Variants in RGS7 observed in about 807,000 individuals in gnomAD.
RGS7 encodes the protein regulator of G protein signaling 7.
RGS7 carries 27 observed loss-of-function variants against 81.1 expected under a neutral mutation model. The ratio of observed to expected loss-of-function variants is 0.33; its 90% CI spans 0.25 to 0.46. The LOEUF is 0.46. RGS7 is among the 20% of genes least tolerant of loss of function. The pLI is 1.00. For missense variants in RGS7, 396 were observed against 607.4 expected (o/e 0.65, Z 3.66); for synonymous variants, 208 against 207.7 (o/e 1.00, Z -0.01).
intron 2 of RGS7, among the ~76,000 whole-genome samples, chr1:241,315,496 C>A (rs1380173828): frequency 6.6e-6 from 1 of 152,118 alleles, no homozygotes; most frequent in Non-Finnish European, 1.5e-5. Context: ...TGAATGTAGT[C>A]TCTAATGTTA....
At chr1:241,019,347 AT>A (rs2059427882) in intron 3 of RGS7, among the ~76,000 whole-genome samples, 1 of 151,510 alleles carries the variant, frequency 6.6e-6, no homozygotes, top group South Asian at 2.1e-4. Flanking sequence ...TTATAACTTT[AT>A]TTTATTTATT....
chr1:241,249,336 T>A (rs995919037), intron 2 of RGS7, among the ~76,000 whole-genome samples: 1 of 151,960 alleles, frequency 6.6e-6, no homozygotes, highest in African/African-American at 2.4e-5. Context: ...TGACTATACC[T>A]AATTTATCCT....
chr1:241,106,588 T>C (rs1572714830), intron 2 of RGS7, among the ~76,000 whole-genome samples: 1 of 151,788 alleles, frequency 6.6e-6, no homozygotes, highest in South Asian at 2.1e-4. Context: ...TGGTGGCAGG[T>C]GCCTGTAGTC....
At chr1:240,807,127 C>T (rs1688993312) in intron 14 of RGS7, among the ~76,000 whole-genome samples, 1 of 152,140 alleles carries the variant, frequency 6.6e-6, no homozygotes, top group Non-Finnish European at 1.5e-5. Flanking sequence ...ACTGAAAGAA[C>T]CTGGGAGTGT....
intron 4 of RGS7, among the ~76,000 whole-genome samples, chr1:240,952,845 G>A (rs573483519): frequency 2.8e-5 from 4 of 140,562 alleles, no homozygotes; most frequent in East Asian, 2.1e-4. Context: ...GGGGGGAAAA[G>A]AGATACCATG....
chr1:241,077,668 T>G (rs1426891814), intron 3 of RGS7, among the ~76,000 whole-genome samples: 4 of 152,356 alleles, frequency 2.6e-5, no homozygotes, highest in Middle Eastern at 3.4e-3. Flanking sequence ...CACACTGTTA[T>G]CCTTCAGCAC....
chr1:240,944,169 A>G (rs1678081265), intron 4 of RGS7, among the ~76,000 whole-genome samples: 2 of 151,168 alleles, frequency 1.3e-5, no homozygotes, highest in Admixed American at 6.6e-5. Flanking sequence ...GATCTACATT[A>G]TACAGCCTAT....
intron 2 of RGS7, among the ~76,000 whole-genome samples, chr1:241,153,672 G>A (rs1170316357): frequency 5.9e-5 from 9 of 152,188 alleles, no homozygotes; most frequent in South Asian, 2.1e-4. Flanking sequence ...ACCACATCCC[G>A]CAGTGTAGAC....
intron 2 of RGS7, among the ~76,000 whole-genome samples, chr1:241,174,770 T>G (rs773707339): frequency 1.3e-5 from 2 of 152,114 alleles, no homozygotes; most frequent in Admixed American, 6.6e-5. Flanking sequence ...GAAGGAGTAT[T>G]TCTATGAGAG....
intron 3 of RGS7, among the ~76,000 whole-genome samples, chr1:241,068,317 T>C (rs2062217965): frequency 6.7e-6 from 1 of 148,644 alleles, no homozygotes; most frequent in African/African-American, 2.5e-5. Flanking sequence ...CTATATTTAG[T>C]TGCACTAAAT....
At chr1:240,818,459 T>C (rs1572234594) in intron 10 of RGS7, among the ~76,000 whole-genome samples, 1 of 152,194 alleles carries the variant, frequency 6.6e-6, no homozygotes, top group East Asian at 1.9e-4. Flanking sequence ...TATAAAGTGA[T>C]TTAATTTACA....
chr1:241,127,999 T>C (rs971156944), intron 2 of RGS7, among the ~76,000 whole-genome samples: 1 of 151,608 alleles, frequency 6.6e-6, no homozygotes, highest in East Asian at 1.9e-4. Flanking sequence ...AGAAAATGGG[T>C]CGGGTGTGGT....
chr1:241,230,750 C>T (rs182023503), intron 2 of RGS7, among the ~76,000 whole-genome samples: 2 of 152,282 alleles, frequency 1.3e-5, no homozygotes, highest in East Asian at 1.9e-4. Flanking sequence ...GTCCTAGGAC[C>T]GTGAGTACAG....
At chr1:240,894,846 T>C (rs1209864391) in intron 6 of RGS7, among the ~76,000 whole-genome samples, 1 of 152,240 alleles carries the variant, frequency 6.6e-6, no homozygotes, top group Non-Finnish European at 1.5e-5. Flanking sequence ...CTTATGGGAA[T>C]TCCATGTGCA....
chr1:241,260,417 C>T (rs1352363843), intron 2 of RGS7, among the ~76,000 whole-genome samples: 1 of 152,152 alleles, frequency 6.6e-6, no homozygotes, highest in Non-Finnish European at 1.5e-5. Flanking sequence ...CAAATACTTG[C>T]TATTACATGA....
At chr1:241,211,442 G>A (rs570914845) in intron 2 of RGS7, among the ~76,000 whole-genome samples, 2 of 152,284 alleles carry the variant, frequency 1.3e-5, no homozygotes, top group Non-Finnish European at 2.9e-5. Context: ...GGCAACTGAA[G>A]ACCTGTCACC....
intron 4 of RGS7, among the ~76,000 whole-genome samples, chr1:240,974,243 A>G (rs1228478858): frequency 1.3e-5 from 2 of 152,118 alleles, no homozygotes; most frequent in African/African-American, 4.8e-5. Flanking sequence ...CTTTGCAGGT[A>G]TTTGTCATTA....
chr1:241,238,611 C>T (rs1031856143), intron 2 of RGS7, among the ~76,000 whole-genome samples: 3 of 151,760 alleles, frequency 2.0e-5, no homozygotes, highest in Non-Finnish European at 2.9e-5. Context: ...TATAGCTCAC[C>T]GTAGCCTCGA....
In RGS7 at chr1:241,192,159, G is replaced by GGTATGTGTGTGTGTGT. The variant is rs1432006795; in HGVS notation, c.79-93398_79-93397insACACACACACACATAC. On this transcript the variant is annotated intron_variant, in intron 2 of 18. Transcript: ENST00000440928. Reference sequence around the variant, plus strand: ...CCTGATCATTTGGCTAGAGAAAACAGGTGTGTGTGTGTGTGTGTGTGTGTG... The same window carrying GGTATGTGTGTGTGTGT: ...CCTGATCATTTGGCTAGAGAAAACAGGTATGTGTGTGTGTGTGTGTGTGTGTGTGTGTGTGTGTGTG... Among the ~76,000 whole-genome samples, 4 of 122,010 alleles carry GGTATGTGTGTGTGTGT rather than the reference G, an allele frequency of 3.3e-5. No individual in the cohort carries two copies. The East Asian group carries it at 8.7e-4, about 27-fold the overall frequency. 80.0% of individuals were successfully genotyped at this position (122,010 alleles called of 152,430 possible).
Sources: allele counts gnomAD v4.1 joint callset (sites outside exome capture counted in the v4.1 genomes callset), GRCh38; gene constraint gnomAD v4.1.1; transcripts MANE v1.5; gene names NCBI Gene and HGNC (gene_info 2026-07-23, HGNC 2026-07-21).